Variants in ENTREP2 observed in about 807,000 individuals in gnomAD.
ENTREP2 encodes the protein protein ENTREP2.
the ENTREP2 span, among the ~76,000 whole-genome samples, chr15:29,552,906 TG>T: frequency 6.6e-6 from 1 of 152,268 alleles, no homozygotes; most frequent in South Asian, 2.1e-4. Flanking sequence ...GAACTAGATG[TG>T]GGCAGAACCT....
the ENTREP2 span, among the ~76,000 whole-genome samples, chr15:29,120,065 T>C: frequency 1.3e-5 from 2 of 152,244 alleles, no homozygotes; most frequent in African/African-American, 4.8e-5. Context: ...GTCCAGGCCC[T>C]GGCCCTCCCC....
chr15:29,460,091 A>ATT, the ENTREP2 span, among the ~76,000 whole-genome samples: 1 of 150,670 alleles, frequency 6.6e-6, no homozygotes, highest in Non-Finnish European at 1.5e-5. Context: ...AACAAAAAAC[A>ATT]TTTTTTTTTT....
the ENTREP2 span, among the ~76,000 whole-genome samples, chr15:29,469,933 A>C: frequency 2.6e-5 from 4 of 152,206 alleles, no homozygotes; most frequent in African/African-American, 9.7e-5. Flanking sequence ...ACCACTAAAG[A>C]AGTACTTTTG....
the ENTREP2 span, among the ~76,000 whole-genome samples, chr15:29,656,649 TGA>T: frequency 3.3e-5 from 5 of 152,200 alleles, no homozygotes; most frequent in African/African-American, 9.6e-5. Context: ...AAAACCACAG[TGA>T]GAGTCCAGTA....
At chr15:29,155,403 C>T in the ENTREP2 span, among the ~76,000 whole-genome samples, 28 of 152,300 alleles carry the variant, frequency 1.8e-4, no homozygotes, top group African/African-American at 6.7e-4. Flanking sequence ...GATGTGGGAA[C>T]AGGCACTGTT....
chr15:29,411,525 A>G, the ENTREP2 span, among the ~76,000 whole-genome samples: 139 of 152,184 alleles, frequency 9.1e-4, no homozygotes, highest in African/African-American at 3.1e-3. Context: ...CCACTTTTCT[A>G]TTGAGTTTTG....
chr15:29,473,833 G>T, the ENTREP2 span, among the ~76,000 whole-genome samples: 1 of 152,166 alleles, frequency 6.6e-6, no homozygotes, highest in Admixed American at 6.5e-5. Flanking sequence ...CGGGCTGAAT[G>T]CTGCTGCTCT....
the ENTREP2 span, among the ~76,000 whole-genome samples, chr15:29,630,369 C>A: frequency 6.6e-6 from 1 of 152,076 alleles, no homozygotes; most frequent in Non-Finnish European, 1.5e-5. Flanking sequence ...ACTAATTCAT[C>A]GTTTCTTTCT....
At chr15:29,636,181 G>C in the ENTREP2 span, among the ~76,000 whole-genome samples, 1 of 152,192 alleles carries the variant, frequency 6.6e-6, no homozygotes, top group Non-Finnish European at 1.5e-5. Flanking sequence ...TCTTCACGGG[G>C]ATGGAAAAGC....
chr15:29,392,050 G>A, the ENTREP2 span, among the ~76,000 whole-genome samples: 4 of 151,956 alleles, frequency 2.6e-5, no homozygotes, highest in South Asian at 2.1e-4. Flanking sequence ...GGATGGTCTC[G>A]ATCTCCTGAC....
the ENTREP2 span, among the ~76,000 whole-genome samples, chr15:29,247,444 T>TA: frequency 6.6e-6 from 1 of 152,272 alleles, no homozygotes; most frequent in East Asian, 1.9e-4. Context: ...AAGTCCGGGA[T>TA]GGGGTAAGCG....
At chr15:29,237,455 T>C in the ENTREP2 span, among the ~76,000 whole-genome samples, 2 of 152,198 alleles carry the variant, frequency 1.3e-5, no homozygotes, top group African/African-American at 2.4e-5. Context: ...AAAAGTTTTG[T>C]AGTTTTGCAT....
At chr15:29,202,797 C>T in the ENTREP2 span, among the ~76,000 whole-genome samples, 1 of 152,178 alleles carries the variant, frequency 6.6e-6, no homozygotes, top group African/African-American at 2.4e-5. Flanking sequence ...CATCTACATC[C>T]CTGCAAAAGG....
At chr15:29,456,178 A>G in the ENTREP2 span, among the ~76,000 whole-genome samples, 1 of 151,964 alleles carries the variant, frequency 6.6e-6, no homozygotes, top group Non-Finnish European at 1.5e-5. Flanking sequence ...CTGCTGATGT[A>G]GAGAATTTGG....
the ENTREP2 span, among the ~76,000 whole-genome samples, chr15:29,415,977 C>T: frequency 6.6e-6 from 1 of 152,290 alleles, no homozygotes; most frequent in East Asian, 1.9e-4. Flanking sequence ...CTACAAGCCA[C>T]TGCTCAATGA....
chr15:29,627,100 G>A, the ENTREP2 span, among the ~76,000 whole-genome samples: 1 of 152,098 alleles, frequency 6.6e-6, no homozygotes, highest in African/African-American at 2.4e-5. Context: ...ATTTGGTGCT[G>A]TAAATTTCCC....
the ENTREP2 span, among the ~76,000 whole-genome samples, chr15:29,480,338 CAAAAAAAAAAAAAA>C: frequency 4.3e-3 from 126 of 29,430 alleles, 3 homozygotes; most frequent in African/African-American, 0.011. Context: ...TTCACTATAG[CAAAAAAAAAAAAAA>C]AAAAAAAAAA....
chr15:29,415,428 G>A, the ENTREP2 span, among the ~76,000 whole-genome samples: 4 of 152,106 alleles, frequency 2.6e-5, no homozygotes, highest in Admixed American at 6.6e-5. Context: ...ATGCAGAAAA[G>A]GCCTTTGACA....
At chr15:29,563,333 A>C in the ENTREP2 span, among the ~76,000 whole-genome samples, 1 of 151,956 alleles carries the variant, frequency 6.6e-6, no homozygotes, top group Non-Finnish European at 1.5e-5. Context: ...TTAATTCACT[A>C]TATCACCTTC....
Sources: gnomAD v4.1 joint callset for allele counts (sites outside exome capture counted in the v4.1 genomes callset) on GRCh38, gnomAD v4.1.1 for gene constraint, MANE v1.5 for transcripts, NCBI Gene and HGNC (gene_info 2026-07-23, HGNC 2026-07-21) for gene names.